ZDHHC15: variants seen among roughly 807,000 people sequenced by gnomAD.
ZDHHC15 encodes the protein palmitoyltransferase ZDHHC15.
In ZDHHC15, 19 loss-of-function variants were observed where a neutral mutation model predicts 31.7. The ratio of observed to expected loss-of-function variants is 0.60; its 90% CI spans 0.42 to 0.88. The LOEUF is 0.88. Among genes scored for constraint, ZDHHC15 ranks in the 40% least tolerant of loss-of-function variants. ZDHHC15 has a pLI of 0.00. For synonymous variants in ZDHHC15, 103 were observed against 90.0 expected (o/e 1.14, Z -0.82); for missense variants, 209 against 251.2 (o/e 0.83, Z 1.14).
intron 1 of ZDHHC15, among the ~76,000 whole-genome samples, chrX:75,515,449 A>G (rs760272223): frequency 8.1e-5 from 9 of 111,735 alleles, no homozygotes; most frequent in Non-Finnish European, 1.5e-4. Context: ...CAATAAACGT[A>G]GTCCATCATA....
chrX:75,516,730 A>G (rs2085363652), intron 1 of ZDHHC15, among the ~76,000 whole-genome samples: 1 of 112,322 alleles, frequency 8.9e-6, no homozygotes, highest in African/African-American at 3.2e-5. Context: ...GCCAAAATAG[A>G]CAAATGGGAT....
In ZDHHC15 at chrX:75,522,995, A is replaced by G; in HGVS notation, c.30T>C (p.Ser10=). ...CCCGGCGGCAGCACCGCAGCCCCCC[A>G]GACAGAGCCATCTTCCAGCCTCGCC... The part of the protein sequence containing the change: MRRGWKMAL[S]GGLRCCRRVL... The change falls in exon 1 of 12, where the codon TCT becomes TCC. Residue 10 remains serine, a synonymous_variant. Transcript: ENST00000373367. 1 of 1,209,942 alleles carries G rather than the reference A, an allele frequency of 8.3e-7. No homozygotes were observed. Among genetic ancestry groups the G allele is most frequent in the Non-Finnish European group, 1.1e-6 (1 of 894,531 alleles).
chrX:75,502,856 A>G (rs1417492482), intron 2 of ZDHHC15, among the ~76,000 whole-genome samples: 1 of 111,225 alleles, frequency 9.0e-6, no homozygotes, highest in African/African-American at 3.3e-5. Flanking sequence ...TAAATACATT[A>G]TCATGTTTTT....
intron 2 of ZDHHC15, among the ~76,000 whole-genome samples, chrX:75,492,972 C>CA (rs1429714558): frequency 3.6e-5 from 4 of 111,473 alleles, no homozygotes; most frequent in Non-Finnish European, 7.5e-5. Flanking sequence ...AAAAATCCTT[C>CA]AAAAAATCAG....
At chrX:75,487,612 C>A (rs772622014) in intron 2 of ZDHHC15, among the ~76,000 whole-genome samples, 1 of 111,912 alleles carries the variant, frequency 8.9e-6, no homozygotes, top group Non-Finnish European at 1.9e-5. Flanking sequence ...GGTAATATGA[C>A]AAAACAGGGT....
At chrX:75,475,395 A>C (rs2084587849) in intron 3 of ZDHHC15, among the ~76,000 whole-genome samples, 1 of 111,543 alleles carries the variant, frequency 9.0e-6, no homozygotes, top group Admixed American at 9.6e-5. Context: ...GTTAATTTTT[A>C]TATATGGTGT....
chrX:75,505,845 T>C lies in ZDHHC15; in HGVS notation c.139A>G (p.Thr47Ala). 1 of 1,205,026 alleles carries C rather than the reference T, an allele frequency of 8.3e-7. No individual in the cohort carries two copies. Among genetic ancestry groups the C allele is most frequent in the Non-Finnish European group, 1.1e-6 (1 of 890,777 alleles). Residue 47 changes from threonine (T) to alanine (A), a missense_variant and splice_region_variant, in exon 2 of 12, where the codon ACT becomes GCT. By Grantham distance (58) the Thr-to-Ala change is moderately conservative. Coordinates refer to ENST00000373367, the MANE Select transcript of ZDHHC15 (RefSeq NM_144969.3). ...YAYVFELCLVTVLSPAEKVIY... is the reference protein window; with the variant it reads ...YAYVFELCLVAVLSPAEKVIY... ...CCTTTTTCTGCTGGGCTCAAAACAG[T>C]CACTGTGAAGAGACAGGAGAAAGAG...
chrX:75,394,494 G>A (rs1384656728), intron 10 of ZDHHC15, among the ~76,000 whole-genome samples: 1 of 107,477 alleles, frequency 9.3e-6, no homozygotes, highest in Non-Finnish European at 1.9e-5. Flanking sequence ...CATCTATAAA[G>A]ACACAAATAG....
chrX:75,379,469 G>C (rs2147753772), intron 10 of ZDHHC15, among the ~76,000 whole-genome samples: 1 of 112,050 alleles, frequency 8.9e-6, no homozygotes, highest in African/African-American at 3.2e-5. Flanking sequence ...TATGATGACA[G>C]CTCAACATAA....
At chrX:75,424,873 T>G in intron 7 of ZDHHC15, 89 bp from the exon 8 acceptor site, 2 of 948,987 alleles carry the variant, frequency 2.1e-6, no homozygotes, top group Non-Finnish European at 1.4e-6. Context: ...TTTTCACATG[T>G]ATAAAGTGTC....
At position 75,377,464 on chromosome X, in the gene ZDHHC15, C is replaced by G. The variant is rs1448131515; in HGVS notation, c.*32+1656G>C. On this transcript the variant is annotated intron_variant, in intron 11 of 11. Transcript: ENST00000373367. ...TGAGCCGAGATCACTCCACTGCACTCCAACCTGGGCAACAGAGTGAGACTC... is the reference window on the plus strand; with the variant it reads ...TGAGCCGAGATCACTCCACTGCACTGCAACCTGGGCAACAGAGTGAGACTC... Among the ~76,000 whole-genome samples, 20 of 106,507 alleles carry G rather than the reference C, an allele frequency of 1.9e-4. No homozygotes were observed. The Admixed American group carries it at 2.1e-3, about 11-fold the overall frequency. 92.5% of individuals were successfully genotyped at this position (106,507 alleles called of 115,157 possible). A position where few individuals can be genotyped will look rare whatever the true frequency, so the allele number is the denominator to read the frequency against.
intron 10 of ZDHHC15, among the ~76,000 whole-genome samples, chrX:75,400,478 T>C (rs1191187155): frequency 9.0e-6 from 1 of 111,314 alleles, no homozygotes. Flanking sequence ...AGTATGAGAT[T>C]ATGTAAAGAG....
chrX:75,478,384 T>C (rs2084638582), intron 3 of ZDHHC15, among the ~76,000 whole-genome samples: 1 of 111,258 alleles, frequency 9.0e-6, no homozygotes. Flanking sequence ...AGTGGTTTCC[T>C]ACTCTTTTTA....
chrX:75,400,510 C>A (rs1181999134), intron 10 of ZDHHC15, among the ~76,000 whole-genome samples: 1 of 111,751 alleles, frequency 8.9e-6, no homozygotes, highest in Admixed American at 9.5e-5. Context: ...AAATCATTGG[C>A]ATCCCTGAAA....
At chrX:75,515,365 C>T (rs1479259361) in intron 1 of ZDHHC15, among the ~76,000 whole-genome samples, 6 of 111,234 alleles carry the variant, frequency 5.4e-5, no homozygotes. Context: ...TCCAGAAGCA[C>T]ATCAAAAAGC....
At chrX:75,513,887 A>C in intron 1 of ZDHHC15, among the ~76,000 whole-genome samples, 1 of 111,174 alleles carries the variant, frequency 9.0e-6, no homozygotes. Flanking sequence ...ACAAAAAAAA[A>C]ACAATAAGAC....
intron 2 of ZDHHC15, among the ~76,000 whole-genome samples, chrX:75,491,499 T>C (rs1465721284): frequency 1.0e-5 from 1 of 99,362 alleles, no homozygotes; most frequent in Non-Finnish European, 2.0e-5. Flanking sequence ...GGGGGAGGGA[T>C]AGCTTTAGGA....
chrX:75,478,271 A>C (rs1306308110), intron 3 of ZDHHC15, among the ~76,000 whole-genome samples: 1 of 112,210 alleles, frequency 8.9e-6, no homozygotes, highest in Non-Finnish European at 1.9e-5. Context: ...TAAATAAATA[A>C]AATAATCACT....
chrX:75,507,977 G>A (rs951897901), intron 1 of ZDHHC15, among the ~76,000 whole-genome samples: 6 of 111,075 alleles, frequency 5.4e-5, no homozygotes, highest in African/African-American at 1.3e-4. Flanking sequence ...GTAAAAAGTC[G>A]TAGAAAGGAC....
Sources: gnomAD v4.1 joint callset for allele counts (sites outside exome capture counted in the v4.1 genomes callset) on GRCh38, gnomAD v4.1.1 for gene constraint, MANE v1.5 for transcripts, NCBI Gene and HGNC (gene_info 2026-07-23, HGNC 2026-07-21) for gene names.